CD99L2: variants seen among roughly 807,000 people sequenced by gnomAD.
CD99L2 encodes the protein CD99 molecule like 2.
A neutral mutation model predicts 27.3 loss-of-function variants in CD99L2; 24 were observed. The observed-to-expected ratio is 0.88, with a 90% confidence interval of 0.64 to 1.24. The LOEUF (loss-of-function observed/expected upper bound fraction) is 1.24, where lower values mean the gene tolerates loss of function less well. Ranked by LOEUF, CD99L2 falls within the 50% of genes most tolerant of loss-of-function variation. The pLI is 0.00. For missense variants in CD99L2, 255 were observed against 221.6 expected (o/e 1.15, Z -0.96); for synonymous variants, 97 against 87.9 (o/e 1.10, Z -0.58).
At chrX:150,882,867 T>C (rs1222132085) in intron 1 of CD99L2, among the ~76,000 whole-genome samples, 11 of 110,621 alleles carry the variant, frequency 9.9e-5, no homozygotes, top group Non-Finnish European at 1.9e-5. Context: ...ACTGACAAGT[T>C]GGTAAAAAAA....
At chrX:150,826,395 G>C (rs904697134) in intron 2 of CD99L2, among the ~76,000 whole-genome samples, 1 of 111,846 alleles carries the variant, frequency 8.9e-6, no homozygotes, top group African/African-American at 3.2e-5. Context: ...TACACACACA[G>C]AGAGAAAGGA....
At chrX:150,882,900 G>A (rs941371642) in intron 1 of CD99L2, among the ~76,000 whole-genome samples, 1 of 109,363 alleles carries the variant, frequency 9.1e-6, no homozygotes, top group African/African-American at 3.3e-5. Flanking sequence ...GGCCGGGCAT[G>A]GTGGCTCATG....
At chrX:150,843,740 T>A (rs1301505124) in intron 1 of CD99L2, among the ~76,000 whole-genome samples, 4 of 111,200 alleles carry the variant, frequency 3.6e-5, no homozygotes, top group African/African-American at 1.3e-4. Context: ...CATCTTAGTC[T>A]GGTAAATCAT....
rs183344467 is a variant in CD99L2 at position 150,854,907 on chromosome X, C to A, written c.68-23614G>T. On this transcript the variant is annotated intron_variant, in intron 1 of 10. Transcript: ENST00000370377. ...CTCCCTGTGGCTGCCTGCTGCCCCC[C>A]CTCCCCCCGGTGGTTCACTGCAGCT... Among the ~76,000 whole-genome samples the A allele has an allele frequency of 5.2e-3, 580 of 110,677 alleles. 6 individuals are homozygous for A. The highest frequency in any genetic ancestry group is 0.018 in the African/African-American group (554 of 30,430).
intron 1 of CD99L2, among the ~76,000 whole-genome samples, chrX:150,857,404 G>A (rs1557421786): frequency 9.1e-6 from 1 of 109,834 alleles, no homozygotes; most frequent in Non-Finnish European, 1.9e-5. Flanking sequence ...ACCCCCATCA[G>A]ACTAACAGCA....
intron 6 of CD99L2, 149 bp downstream of exon 6, chrX:150,795,057 A>G: frequency 1.8e-6 from 1 of 542,381 alleles, no homozygotes; most frequent in East Asian, 3.3e-5. Context: ...CAATGATTTC[A>G]GGAGTCCCCA....
At chrX:150,802,887 T>A in intron 4 of CD99L2, among the ~76,000 whole-genome samples, 1 of 31,107 alleles carries the variant, frequency 3.2e-5, no homozygotes, top group African/African-American at 1.9e-4. Context: ...AGCCTTTTTT[T>A]TTTTTTTTTT....
intron 7 of CD99L2, 151 bp downstream of exon 7, chrX:150,793,540 T>A: frequency 2.4e-6 from 1 of 424,316 alleles, no homozygotes. Context: ...TTGAACTGCA[T>A]GGCTCACATC....
At chrX:150,785,349 T>C (rs1252661021) in intron 7 of CD99L2, among the ~76,000 whole-genome samples, 1 of 111,827 alleles carries the variant, frequency 8.9e-6, no homozygotes, top group Admixed American at 9.5e-5. Context: ...CACGCAGACC[T>C]GTAATTAACA....
At chrX:150,793,585 T>C (rs2045732445) in intron 7 of CD99L2, 106 bp downstream of exon 7, 1 of 646,226 alleles carries the variant, frequency 1.5e-6, no homozygotes, top group African/African-American at 2.3e-5. Context: ...GGCTGGGATG[T>C]CTGGGAACTA....
Position 150,768,836 on chromosome X carries a change from G to A in CD99L2, c.*198C>T, listed in dbSNP as rs1010579387. On this transcript the variant is annotated 3_prime_UTR_variant, in exon 11 of 11. Transcript: ENST00000370377. ...CTATCAGAGCTGGCTCTTGAATTTC[G>A]GCACCAAGTCTCAGCACGCTTGGGG... The A allele has an allele frequency of 2.6e-5, 24 of 922,606 alleles. No individual in the cohort carries two copies. The African/African-American group carries it at 2.7e-4, about 10-fold the overall frequency. 76.0% of individuals were successfully genotyped at this position (922,606 alleles called of 1,213,427 possible).
chrX:150,777,449 C>T lies in CD99L2; in HGVS notation c.530G>A (p.Gly177Glu), dbSNP rs149951842. The change falls in exon 8 of 11, where the codon GGA (glycine) becomes GAA (glutamate). Residue 177 changes from glycine (G) to glutamate (E), a missense_variant. By Grantham distance (98) the Gly-to-Glu change is moderately conservative (BLOSUM62 -2). Transcript: ENST00000370377. ...CTCAGGATTCAGAAACCCACCAGAT[C>T]CAGGGTCGTCATTGCTGCCGTACCG... The part of the protein sequence containing the change: ...DGRYGSNDDP[G>E]SGMVAEPGTI... The T allele has an allele frequency of 5.4e-4, 652 of 1,210,445 alleles. 3 individuals carry two copies. In the African/African-American group the frequency reaches 0.01, roughly 19 times the overall value.
At chrX:150,823,981 G>GA (rs1441658902) in intron 2 of CD99L2, among the ~76,000 whole-genome samples, 1 of 105,867 alleles carries the variant, frequency 9.4e-6, no homozygotes, top group African/African-American at 3.5e-5. Flanking sequence ...CTCATTTGTA[G>GA]AAAAAAAAGA....
chrX:150,814,973 C>T (rs1557420440), intron 3 of CD99L2, 37 bp from the exon 4 acceptor site: 2 of 1,199,134 alleles, frequency 1.7e-6, no homozygotes, highest in South Asian at 3.6e-5. Context: ...AAACAGCCAA[C>T]TGATTAACAA....
chrX:150,769,667 GTCTCCCT>G (rs2043385316), intron 10 of CD99L2, among the ~76,000 whole-genome samples: 1 of 107,297 alleles, frequency 9.3e-6, no homozygotes, highest in South Asian at 3.8e-4. Context: ...AGCTGTCCTA[GTCTCCCT>G]GCCTGCGCCA....
intron 1 of CD99L2, among the ~76,000 whole-genome samples, chrX:150,836,167 A>G (rs1425230590): frequency 9.0e-6 from 1 of 111,503 alleles, no homozygotes; most frequent in Non-Finnish European, 1.9e-5. Flanking sequence ...TCAGTTCTCA[A>G]GCAAACCATT....
At chrX:150,779,824 C>G (rs1316374424) in intron 7 of CD99L2, among the ~76,000 whole-genome samples, 1 of 111,802 alleles carries the variant, frequency 8.9e-6, no homozygotes, top group Non-Finnish European at 1.9e-5. Context: ...AAATATGATC[C>G]TAAAGCCAGA....
At chrX:150,777,649 C>G (rs1423527777) in intron 7 of CD99L2, among the ~76,000 whole-genome samples, 167 bp from the exon 8 acceptor site, 6 of 112,882 alleles carry the variant, frequency 5.3e-5, no homozygotes, top group African/African-American at 1.9e-4. Flanking sequence ...ATGAGGCCTG[C>G]TTTCTTATGC....
rs1603282792 is a variant in CD99L2, at chrX:150,770,311, T to C, written c.714A>G (p.Glu238=). 13 of 1,210,904 alleles carry C rather than the reference T, an allele frequency of 1.1e-5. No homozygotes were observed. Among genetic ancestry groups the C allele is most frequent in the Non-Finnish European group, 1.5e-5 (13 of 894,909 alleles). ...TGAGTACAAAGTTCTCACCTTGGGG[T>C]TCCTCACATACCACGGCTTCCAGGT... ...GENLEAVVCE[E]PQVKYSTLHT... is the part of the protein sequence containing the mutation. Residue 238 remains glutamate, a synonymous_variant, in exon 10 of 11, where the codon GAA becomes GAG. Coordinates refer to ENST00000370377, the MANE Select transcript of CD99L2 (RefSeq NM_031462.4).
Sources: allele counts gnomAD v4.1 joint callset (sites outside exome capture counted in the v4.1 genomes callset), GRCh38; gene constraint gnomAD v4.1.1; transcripts MANE v1.5; gene names NCBI Gene and HGNC (gene_info 2026-07-23, HGNC 2026-07-21).